The following COL26A1 variants were observed in gnomAD, a reference collection of about 807,000 sequenced individuals.
The protein encoded by COL26A1 is collagen type XXVI alpha 1 chain, also known as collagen alpha-1(XXVI) chain.
In COL26A1, 41 loss-of-function variants were observed where a neutral mutation model predicts 59.3. The ratio of observed to expected loss-of-function variants is 0.69; its 90% CI spans 0.54 to 0.90. COL26A1 has a LOEUF of 0.90. Ranked by LOEUF, COL26A1 falls within the 40% of genes least tolerant of loss-of-function variation. COL26A1 has a pLI of 0.00. For synonymous variants in COL26A1, 266 were observed against 256.0 expected, an observed-to-expected ratio of 1.04 and a Z score of -0.37; for missense variants, 612 against 602.3, an observed-to-expected ratio of 1.02 and a Z score of -0.17.
At chr7:101,374,896 A>G (rs1791275631) in intron 1 of COL26A1, among the ~76,000 whole-genome samples, 1 of 152,020 alleles carries the variant, frequency 6.6e-6, no homozygotes, top group African/African-American at 2.4e-5. Flanking sequence ...CCTGTCTCCA[A>G]TAAAAATACA....
chr7:101,439,295 G>T (rs1172310473), intron 2 of COL26A1, among the ~76,000 whole-genome samples: 4 of 151,986 alleles, frequency 2.6e-5, no homozygotes, highest in Non-Finnish European at 5.9e-5. Flanking sequence ...CCTTAGAAAG[G>T]CTTCCTGGAG....
At chr7:101,532,810 T>A (rs1162490007) in intron 3 of COL26A1, among the ~76,000 whole-genome samples, 1 of 152,180 alleles carries the variant, frequency 6.6e-6, no homozygotes, top group Admixed American at 6.5e-5. Flanking sequence ...CCTGCCTTCA[T>A]TGTGCTCACC....
intron 1 of COL26A1, among the ~76,000 whole-genome samples, chr7:101,405,320 T>C (rs1792104215): frequency 6.6e-6 from 1 of 152,120 alleles, no homozygotes; most frequent in African/African-American, 2.4e-5. Flanking sequence ...ACAAGACTTT[T>C]TACCCACATG....
At chr7:101,527,484 C>T (rs1381465911) in intron 3 of COL26A1, among the ~76,000 whole-genome samples, 3 of 148,366 alleles carry the variant, frequency 2.0e-5, no homozygotes, top group East Asian at 1.9e-4. Flanking sequence ...CGCACCACCA[C>T]GTCCAGCTGA....
Position 101,541,554 on chromosome 7 carries a change from G to A in COL26A1, c.604+1505G>A, listed in dbSNP as rs182260305. Among the ~76,000 whole-genome samples, 953 of 149,006 alleles carry A rather than the reference G, an allele frequency of 6.4e-3. 4 individuals carry two copies. Among genetic ancestry groups the A allele is most frequent in the South Asian group, 0.012 (56 of 4,736 alleles). On this transcript the variant is annotated intron_variant, in intron 5 of 12. Transcript: ENST00000313669. ...TTTAGTAGAGACGAGGTCTCACTGC[G>A]TTGCCAGGCTGGTCTCAAACTCCTG...
intron 4 of COL26A1, among the ~76,000 whole-genome samples, chr7:101,536,689 C>T (rs1243410561): frequency 6.6e-6 from 1 of 152,218 alleles, no homozygotes; most frequent in Non-Finnish European, 1.5e-5. Flanking sequence ...GGGAAGGAGG[C>T]AAATGAGAGA....
In COL26A1 at chr7:101,447,802, A is replaced by C. The variant is rs1354138102; in HGVS notation, c.385+15A>C. On this transcript the variant is annotated intron_variant, in intron 3 of 12. Transcript: ENST00000313669. The stretch of plus-strand genomic sequence containing the variant: ...CTGTGATGAGGGTAAGTTGGCAGGC[A>C]CTTGGGCTGCAGGGGGCCAGGCGTG... 3.9e-6 allele frequency: 6 copies of C among 1,545,084 alleles called. No individual in the cohort carries two copies. The highest frequency in any genetic ancestry group is 1.7e-4 in the Middle Eastern group (1 of 5,960).
chr7:101,464,532 C>T (rs1793709548), intron 3 of COL26A1, among the ~76,000 whole-genome samples: 2 of 150,630 alleles, frequency 1.3e-5, no homozygotes, highest in Admixed American at 6.6e-5. Flanking sequence ...CTGCCTCAGC[C>T]TCCTGAGTAG....
chr7:101,449,531 G>A (rs1198333584), intron 3 of COL26A1, among the ~76,000 whole-genome samples: 2 of 152,252 alleles, frequency 1.3e-5, no homozygotes, highest in Non-Finnish European at 2.9e-5. Context: ...CATTTCAGGA[G>A]GCTGAAGCCG....
chr7:101,518,344 C>T (rs1420224462), intron 3 of COL26A1, among the ~76,000 whole-genome samples: 1 of 152,190 alleles, frequency 6.6e-6, no homozygotes, highest in Non-Finnish European at 1.5e-5. Flanking sequence ...CAGTGTCAGG[C>T]CGCTCCCCAC....
chr7:101,537,891 T>A (rs1795513630), intron 4 of COL26A1, among the ~76,000 whole-genome samples: 2 of 152,078 alleles, frequency 1.3e-5, no homozygotes, highest in African/African-American at 4.8e-5. Context: ...CCCTGTTAAA[T>A]ATGGCCATCT....
rs563429212 is a variant in COL26A1, at chr7:101,451,998, C to T, written c.385+4211C>T. On this transcript the variant is annotated intron_variant, in intron 3 of 12. Transcript: ENST00000313669. Reference sequence around the variant, plus strand: ...CTGGAATTGCAGGCGTGAGCCACCGCGCACAGCCAAAATCATTTGCTTTTT... The same window carrying T: ...CTGGAATTGCAGGCGTGAGCCACCGTGCACAGCCAAAATCATTTGCTTTTT... Among the ~76,000 whole-genome samples the T allele has an allele frequency of 9.3e-4, 142 of 152,236 alleles. 2 individuals carry two copies. The highest frequency in any genetic ancestry group is 8.7e-3 in the South Asian group (42 of 4,818).
chr7:101,401,765 G>A (rs534489250), intron 1 of COL26A1, among the ~76,000 whole-genome samples: 2 of 125,996 alleles, frequency 1.6e-5, no homozygotes, highest in South Asian at 4.9e-4. Flanking sequence ...AAGAGGAGGA[G>A]GGAGAAGAGG....
At chr7:101,397,425 CTCTT>C (rs1394091290) in intron 1 of COL26A1, among the ~76,000 whole-genome samples, 5 of 146,630 alleles carry the variant, frequency 3.4e-5, no homozygotes, top group Non-Finnish European at 7.5e-5. Context: ...TCTTTCTTTT[CTCTT>C]TCTTTACTTC....
chr7:101,392,548 C>G (rs1791758915), intron 1 of COL26A1, among the ~76,000 whole-genome samples: 1 of 151,786 alleles, frequency 6.6e-6, no homozygotes, highest in Non-Finnish European at 1.5e-5. Flanking sequence ...ATTACTGGTG[C>G]CCACCACCAT....
chr7:101,547,773 A>ATTCG (rs749965354), intron 8 of COL26A1, among the ~76,000 whole-genome samples: 19 of 152,076 alleles, frequency 1.2e-4, no homozygotes, highest in Non-Finnish European at 1.8e-4. Flanking sequence ...TTATTCATTC[A>ATTCG]TTCGTTCATT....
chr7:101,508,934 G>A (rs1236979223), intron 3 of COL26A1, among the ~76,000 whole-genome samples: 1 of 152,134 alleles, frequency 6.6e-6, no homozygotes, highest in Non-Finnish European at 1.5e-5. Context: ...GAGCCCAGGA[G>A]GTCGAAGCTG....
At chr7:101,432,698 C>CT (rs1367835568) in intron 2 of COL26A1, among the ~76,000 whole-genome samples, 20 of 151,424 alleles carry the variant, frequency 1.3e-4, no homozygotes, top group Admixed American at 5.3e-4. Flanking sequence ...AAAGTGCATT[C>CT]TTTTTTTTTG....
Position 101,416,781 on chromosome 7 carries a change from C to T in COL26A1, c.159-3196C>T, listed in dbSNP as rs1792378498. 2.8e-5 allele frequency among the ~76,000 whole-genome samples: 4 copies of T among 143,260 alleles called. 1 individual carries two copies. The highest frequency in any genetic ancestry group is 9.9e-5 in the African/African-American group (4 of 40,502). 94.0% of individuals were successfully genotyped at this position (143,260 alleles called of 152,430 possible). On this transcript the variant is annotated intron_variant, in intron 1 of 12. Coordinates refer to ENST00000313669, the MANE Select transcript of COL26A1 (RefSeq NM_001278563.3). Reference sequence around the variant, plus strand: ...ATGTCACAGGGTCTTGCTCTGTCACCCAGTGTGGAGTGCAGCGGTGCGATC... The same window carrying T: ...ATGTCACAGGGTCTTGCTCTGTCACTCAGTGTGGAGTGCAGCGGTGCGATC...
Sources: gnomAD v4.1 joint callset for allele counts (sites outside exome capture counted in the v4.1 genomes callset) on GRCh38, gnomAD v4.1.1 for gene constraint, MANE v1.5 for transcripts, NCBI Gene and HGNC (gene_info 2026-07-23, HGNC 2026-07-21) for gene names.